TOM1L1: variants seen among roughly 807,000 people sequenced by gnomAD.
The protein encoded by TOM1L1 is target of myb1 like 1 membrane trafficking protein, also known as TOM1-like protein 1.
A neutral mutation model predicts 63.4 loss-of-function variants in TOM1L1; 64 were observed. The observed-to-expected ratio is 1.01, with a 90% CI of 0.83 to 1.24. TOM1L1 has a LOEUF of 1.24. TOM1L1 is among the 50% of genes most tolerant of loss of function. The probability of loss-of-function intolerance (pLI) is 0.00; values close to 1 mark genes in which losing one functional copy is unlikely to be tolerated. For synonymous variants in TOM1L1, 166 were observed against 194.4 expected (o/e 0.85, Z 1.22); for missense variants, 536 against 567.0 (o/e 0.95, Z 0.55).
chr17:54,944,656 ATAT>A (rs1202219105), intron 11 of TOM1L1, among the ~76,000 whole-genome samples: 2 of 152,142 alleles, frequency 1.3e-5, no homozygotes, highest in African/African-American at 4.8e-5. Flanking sequence ...TTCCTGAAGG[ATAT>A]TATCAGTGAC....
chr17:54,946,614 C>T (rs1395390551), intron 11 of TOM1L1, among the ~76,000 whole-genome samples: 3 of 152,202 alleles, frequency 2.0e-5, no homozygotes, highest in Non-Finnish European at 4.4e-5. Flanking sequence ...GAGATTTCTA[C>T]ATTCTGAGTG....
chr17:54,951,660 G>T (rs1477698597), intron 14 of TOM1L1, among the ~76,000 whole-genome samples: 1 of 152,182 alleles, frequency 6.6e-6, no homozygotes, highest in Non-Finnish European at 1.5e-5. Context: ...TAAGACCACA[G>T]TTGCCAACAG....
At chr17:54,949,272 A>G (rs1036904948) in intron 12 of TOM1L1, among the ~76,000 whole-genome samples, 8 of 144,302 alleles carry the variant, frequency 5.5e-5, no homozygotes, top group African/African-American at 1.8e-4. Flanking sequence ...CCTGGGCTCA[A>G]GTAATCCTCC....
chr17:54,945,543 T>C (rs960496496), intron 11 of TOM1L1, among the ~76,000 whole-genome samples: 1 of 152,170 alleles, frequency 6.6e-6, no homozygotes, highest in East Asian at 1.9e-4. Flanking sequence ...TTTGGGGTCC[T>C]GTTTGTTTGT....
Position 54,937,097 on chromosome 17 carries a change from CT to C in TOM1L1, c.916-9del, listed in dbSNP as rs762798590. On this transcript the variant is annotated splice_polypyrimidine_tract_variant and intron_variant, in intron 9 of 15. Transcript: ENST00000575882. ...TACATGACACTTTTTTTTTTTTTTG[CT>C]TTGTTTTCAGACTACCAGTGAGCCT... 1 of 1,299,070 alleles carries C rather than the reference CT, an allele frequency of 7.7e-7. No individual in the cohort carries two copies. The highest frequency in any genetic ancestry group is 2.6e-5 in the East Asian group (1 of 38,108). The allele number at this position is 1,299,070 out of a possible 1,614,324, so 80.5% of individuals were successfully genotyped here.
At position 54,905,402 on chromosome 17, in the gene TOM1L1, T is replaced by C. The variant is rs1210161821; in HGVS notation, c.144-87T>C. Reference sequence around the variant, plus strand: ...TAGTTTTCTGCTCCTTAGCCATTCCTCTCTCCAAATGCATGTTGCTTTTCA... The same window carrying C: ...TAGTTTTCTGCTCCTTAGCCATTCCCCTCTCCAAATGCATGTTGCTTTTCA... On this transcript the variant is annotated intron_variant, in intron 2 of 15. Coordinates refer to ENST00000575882, the MANE Select transcript of TOM1L1 (RefSeq NM_005486.3). 8 of 879,730 alleles carry C rather than the reference T, an allele frequency of 9.1e-6. No homozygotes were observed. The East Asian group carries it at 1.5e-4, about 16-fold the overall frequency. The allele number at this position is 879,730 out of a possible 1,614,324, so 54.5% of individuals were successfully genotyped here.
At chr17:54,926,665 T>C (rs955092162) in intron 7 of TOM1L1, among the ~76,000 whole-genome samples, 33 of 150,566 alleles carry the variant, frequency 2.2e-4, no homozygotes, top group African/African-American at 7.8e-4. Context: ...ATCCTGAGAA[T>C]AGGAAAAAGA....
chr17:54,905,892 G>A (rs1257305950), intron 3 of TOM1L1, among the ~76,000 whole-genome samples: 3 of 152,204 alleles, frequency 2.0e-5, no homozygotes, highest in Non-Finnish European at 2.9e-5. Flanking sequence ...TGTAGTGGCT[G>A]GGTGTGGTGG....
intron 6 of TOM1L1, 84 bp from the exon 7 acceptor site, chr17:54,915,662 C>T (rs1250581670): frequency 2.2e-6 from 2 of 916,578 alleles, no homozygotes; most frequent in South Asian, 3.1e-5. Flanking sequence ...ATTTTTTCAT[C>T]CAGCAAATGT....
intron 11 of TOM1L1, among the ~76,000 whole-genome samples, chr17:54,944,805 G>T (rs1052034001): frequency 1.3e-5 from 2 of 152,130 alleles, no homozygotes; most frequent in Non-Finnish European, 2.9e-5. Flanking sequence ...ATGTATTGTG[G>T]TTCTGTCTGC....
intron 1 of TOM1L1, 149 bp from the exon 2 acceptor site, chr17:54,903,559 T>G: frequency 1.5e-6 from 1 of 681,062 alleles, no homozygotes; most frequent in Non-Finnish European, 2.6e-6. Context: ...ATTCCTGAAT[T>G]ACTGAGAACT....
intron 6 of TOM1L1, 84 bp from the exon 7 acceptor site, chr17:54,915,662 C>A (rs1250581670): frequency 3.3e-6 from 3 of 916,576 alleles, no homozygotes; most frequent in Non-Finnish European, 4.7e-6. Context: ...ATTTTTTCAT[C>A]CAGCAAATGT....
Position 54,930,165 on chromosome 17 carries a change from G to C in TOM1L1, c.813G>C (p.Gln271His), listed in dbSNP as rs1263773177. ...ENEDVTVELI[Q>H]VNEDLNNAIL... ...AAGATGTAACTGTTGAGCTAATTCAGGTGAATGAGGATTTGAATAATGCTA... is the reference window on the plus strand; with the variant it reads ...AAGATGTAACTGTTGAGCTAATTCACGTGAATGAGGATTTGAATAATGCTA... The change falls in exon 8 of 16, where the codon CAG (glutamine) becomes CAC (histidine). Residue 271 changes from glutamine to histidine, a missense_variant. Gln to His is a conservative substitution (Grantham distance 24). Transcript: ENST00000575882. 1 of 1,614,084 alleles carries C rather than the reference G, an allele frequency of 6.2e-7. No homozygotes were observed. Among genetic ancestry groups the C allele is most frequent in the Non-Finnish European group, 8.5e-7 (1 of 1,180,002 alleles).
chr17:54,916,222 A>C, intron 7 of TOM1L1: 1 of 319,488 alleles, frequency 3.1e-6, no homozygotes, highest in South Asian at 9.9e-5. Flanking sequence ...GAAGGAGGCT[A>C]TTCTAGTCCT....
At chr17:54,933,133 A>G (rs2048891027) in intron 8 of TOM1L1, among the ~76,000 whole-genome samples, 2 of 152,172 alleles carry the variant, frequency 1.3e-5, no homozygotes, top group Admixed American at 1.3e-4. Flanking sequence ...CCTCTGTTTT[A>G]TCCACTTTTG....
At chr17:54,933,521 TTTTTG>T (rs1555610606) in intron 8 of TOM1L1, among the ~76,000 whole-genome samples, 3 of 151,944 alleles carry the variant, frequency 2.0e-5, no homozygotes, top group Non-Finnish European at 1.5e-5. Flanking sequence ...ACAGCTTGGT[TTTTTG>T]TTTTGTTTTG....
At chr17:54,955,419 G>A (rs1223292993) in intron 14 of TOM1L1, among the ~76,000 whole-genome samples, 6 of 152,242 alleles carry the variant, frequency 3.9e-5, no homozygotes, top group South Asian at 2.1e-4. Context: ...CAGGGATCAT[G>A]ATCCCACCAA....
chr17:54,906,114 G>C (rs917949708), intron 3 of TOM1L1, among the ~76,000 whole-genome samples: 4 of 151,978 alleles, frequency 2.6e-5, no homozygotes, highest in African/African-American at 9.7e-5. Flanking sequence ...AGATGGCAAC[G>C]AGCTATGATC....
At chr17:54,907,343 A>G (rs2143741829) in intron 3 of TOM1L1, among the ~76,000 whole-genome samples, 1 of 152,290 alleles carries the variant, frequency 6.6e-6, no homozygotes. Flanking sequence ...TCCATTTAAC[A>G]GATGAAGAAA....
Sources: allele counts gnomAD v4.1 joint callset (sites outside exome capture counted in the v4.1 genomes callset), GRCh38; gene constraint gnomAD v4.1.1; transcripts MANE v1.5; gene names NCBI Gene and HGNC (gene_info 2026-07-23, HGNC 2026-07-21).